The following CACNA1E variants were observed in gnomAD, a reference collection of about 807,000 sequenced individuals.
CACNA1E encodes calcium voltage-gated channel subunit alpha1 E, also known as voltage-dependent R-type calcium channel subunit alpha-1E.
In CACNA1E, 40 loss-of-function variants were observed where a neutral mutation model predicts 259.2. That is an observed-to-expected ratio of 0.15 (90% CI 0.12 to 0.20). The LOEUF is 0.20. Ranked by LOEUF, CACNA1E falls within the 10% of genes least tolerant of loss-of-function variation. The probability of loss-of-function intolerance (pLI) is 1.00; values close to 1 mark genes in which losing one functional copy is unlikely to be tolerated. For synonymous variants in CACNA1E, 1,104 were observed against 1,138.5 expected (o/e 0.97, Z 0.61); for missense variants, 1,874 against 3,040.1 (o/e 0.62, Z 9.02).
intron 7 of CACNA1E, among the ~76,000 whole-genome samples, chr1:181,659,216 A>C (rs1647347576): frequency 6.6e-6 from 1 of 152,096 alleles, no homozygotes; most frequent in African/African-American, 2.4e-5. Flanking sequence ...GGCAGGCCAC[A>C]TCCACTGGTG....
chr1:181,540,426 C>T (rs1668494088), intron 3 of CACNA1E, among the ~76,000 whole-genome samples: 1 of 152,020 alleles, frequency 6.6e-6, no homozygotes, highest in African/African-American at 2.4e-5. Context: ...AAATATTGAA[C>T]AAATTAACAA....
intron 1 of CACNA1E, among the ~76,000 whole-genome samples, chr1:181,487,058 C>T (rs1238325357): frequency 5.4e-5 from 8 of 148,638 alleles, no homozygotes; most frequent in African/African-American, 2.0e-4. Context: ...GAAGGTTGTT[C>T]AGTTGTTCAG....
At chr1:181,425,776 T>C (rs1659138159) in intron 2 of CACNA1E, among the ~76,000 whole-genome samples, 1 of 151,928 alleles carries the variant, frequency 6.6e-6, no homozygotes, top group South Asian at 2.1e-4. Flanking sequence ...TCTCTTCCTC[T>C]TTTTCTCTCG....
At chr1:181,745,199 C>A (rs1016067019) in intron 25 of CACNA1E, 2 of 300,096 alleles carry the variant, frequency 6.7e-6, no homozygotes, top group East Asian at 1.8e-4. Context: ...TCTCAGCATG[C>A]ATATTTTTTA....
In CACNA1E at chr1:181,720,779, T is replaced by C. The variant is rs1365817010; in HGVS notation, c.1884-4T>C. 24 of 1,574,602 alleles carry C rather than the reference T, an allele frequency of 1.5e-5. No homozygotes were observed. Among genetic ancestry groups the C allele is most frequent in the Non-Finnish European group, 2.1e-5 (24 of 1,146,724 alleles). ...TCATTATTTTCTCTAATTTTGTTTT[T>C]CAGGTTTAACTTTAATGATGGGACT... On this transcript the variant is annotated splice_region_variant and splice_polypyrimidine_tract_variant and intron_variant, in intron 14 of 47. Coordinates refer to ENST00000367573, the MANE Select transcript of CACNA1E (RefSeq NM_001205293.3).
At position 181,803,240 on chromosome 1, in the gene CACNA1E, T is replaced by C. The variant is rs1662402424; in HGVS notation, c.*4406T>C. Reference sequence around the variant, plus strand: ...GGAGGTACAGGAGAGGACTTTATGATGCAGGAAAGAAGGAAGAAGTGGGTC... The same window carrying C: ...GGAGGTACAGGAGAGGACTTTATGACGCAGGAAAGAAGGAAGAAGTGGGTC... On this transcript the variant is annotated 3_prime_UTR_variant, in exon 48 of 48. Transcript: ENST00000367573. 2 of 145,588 alleles carry C rather than the reference T, an allele frequency of 1.4e-5. No homozygotes were observed. The highest frequency in any genetic ancestry group is 2.7e-5 in the African/African-American group (1 of 37,292). The allele number at this position is 145,588 out of a possible 1,614,324, so 9.0% of individuals were successfully genotyped here. A position where few individuals can be genotyped will look rare whatever the true frequency, so the allele number is the denominator to read the frequency against.
At chr1:181,670,645 G>T (rs1269037185) in intron 7 of CACNA1E, among the ~76,000 whole-genome samples, 2 of 152,106 alleles carry the variant, frequency 1.3e-5, no homozygotes, top group African/African-American at 2.4e-5. Context: ...AATCTTTTTA[G>T]CAGCTGACAC....
rs779966748 is a variant in CACNA1E, at chr1:181,511,505, C to T, written c.507C>T (p.Leu169=). The change falls in exon 3 of 48, where the codon CTC becomes CTT. Residue 169 remains leucine (L), a synonymous_variant. Coordinates refer to ENST00000367573, the MANE Select transcript of CACNA1E (RefSeq NM_001205293.3). ...GWNVMDFIVV[L]SGILATAGTH... is the part of the protein sequence containing the mutation. Reference sequence around the variant, plus strand: ...ATGTCATGGACTTCATCGTGGTCCTCAGTGGGTAAGTCCATTTTCTCTCTC... The same window carrying T: ...ATGTCATGGACTTCATCGTGGTCCTTAGTGGGTAAGTCCATTTTCTCTCTC... 1.2e-6 allele frequency: 2 copies of T among 1,613,578 alleles called. No homozygotes were observed. Among genetic ancestry groups the T allele is most frequent in the African/African-American group, 1.3e-5 (1 of 74,990 alleles).
intron 1 of CACNA1E, among the ~76,000 whole-genome samples, chr1:181,401,030 A>G (rs1376016099): frequency 6.6e-6 from 1 of 151,282 alleles, no homozygotes; most frequent in Non-Finnish European, 1.5e-5. Context: ...CCAACATTAC[A>G]TCGCCGATAT....
intron 1 of CACNA1E, among the ~76,000 whole-genome samples, chr1:181,402,196 A>G (rs1342477349): frequency 6.6e-6 from 1 of 152,228 alleles, no homozygotes; most frequent in African/African-American, 2.4e-5. Context: ...CAGACCAGTT[A>G]TCTTCCTTTT....
chr1:181,423,036 A>C (rs557629434), intron 2 of CACNA1E, among the ~76,000 whole-genome samples: 1 of 152,170 alleles, frequency 6.6e-6, no homozygotes, highest in African/African-American at 2.4e-5. Context: ...CTTACCCATC[A>C]TTACTACCTT....
intron 1 of CACNA1E, among the ~76,000 whole-genome samples, chr1:181,334,731 G>A (rs1309105087): frequency 6.6e-6 from 1 of 152,140 alleles, no homozygotes; most frequent in Non-Finnish European, 1.5e-5. Context: ...ACCACTAACT[G>A]ACACAGGTGG....
Position 181,563,965 on chromosome 1 carries a change from G to A in CACNA1E, c.513-13801G>A, listed in dbSNP as rs948789397. On this transcript the variant is annotated intron_variant, in intron 3 of 47. Transcript: ENST00000367573. ...GCAGTAGCATTATGTGAAAAACAAT[G>A]TACATCTCTTAAAAATACTTTATTG... Among the ~76,000 whole-genome samples, 7 of 152,178 alleles carry A rather than the reference G, an allele frequency of 4.6e-5. No homozygotes were observed. In the East Asian group the frequency reaches 1.3e-3, roughly 29 times the overall value.
chr1:181,555,512 G>A (rs184747992), intron 3 of CACNA1E, among the ~76,000 whole-genome samples: 12 of 152,230 alleles, frequency 7.9e-5, no homozygotes, highest in Admixed American at 3.3e-4. Context: ...TGCCACCTGC[G>A]ATTTCTTCTG....
intron 1 of CACNA1E, among the ~76,000 whole-genome samples, chr1:181,502,348 T>C (rs574807049): frequency 3.1e-4 from 47 of 152,344 alleles, no homozygotes; most frequent in Admixed American, 7.2e-4. Context: ...AGTTCATCTA[T>C]AGCTCCTCAG....
rs1653957856 is a variant in CACNA1E at position 181,717,002 on chromosome 1, A to T, written c.1316-91A>T. ...AATGTGGCAGTCACCTTGCCCTGGG[A>T]CTAGAGCAGCCCATCTTGCCCTTCG... On this transcript the variant is annotated intron_variant, in intron 10 of 47. Coordinates refer to ENST00000367573, the MANE Select transcript of CACNA1E (RefSeq NM_001205293.3). The T allele has an allele frequency of 1.5e-5, 15 of 1,022,156 alleles. No individual in the cohort carries two copies. The South Asian group carries it at 2.1e-4, about 14-fold the overall frequency. 63.3% of individuals were successfully genotyped at this position (1,022,156 alleles called of 1,614,324 possible).
intron 6 of CACNA1E, among the ~76,000 whole-genome samples, chr1:181,632,810 C>T (rs1352554049): frequency 6.6e-6 from 1 of 152,156 alleles, no homozygotes; most frequent in Admixed American, 6.5e-5. Flanking sequence ...GTTTCTGGAG[C>T]ATCTGCCATC....
At chr1:181,716,238 T>C (rs1328210647) in intron 10 of CACNA1E, 109 bp downstream of exon 10, 2 of 567,736 alleles carry the variant, frequency 3.5e-6, no homozygotes, top group Non-Finnish European at 6.1e-6. Flanking sequence ...GGGTCCAGAA[T>C]TTAGGAATGT....
In CACNA1E at chr1:181,719,041, A is replaced by G. The variant is rs1210759987; in HGVS notation, c.1639-710A>G. On this transcript the variant is annotated intron_variant, in intron 12 of 47. Transcript: ENST00000367573. ...GCTAATCTACATTTTAACTTGGAAC[A>G]TATGGTTCTGAGTACGGGCAATTTT... Among the ~76,000 whole-genome samples, 3 of 152,354 alleles carry G rather than the reference A, an allele frequency of 2.0e-5. No individual in the cohort carries two copies. In the East Asian group the frequency reaches 5.8e-4, roughly 29 times the overall value.
Sources: allele counts gnomAD v4.1 joint callset (sites outside exome capture counted in the v4.1 genomes callset), GRCh38; gene constraint gnomAD v4.1.1; transcripts MANE v1.5; gene names NCBI Gene and HGNC (gene_info 2026-07-23, HGNC 2026-07-21).